ITPRIP: variants seen among roughly 807,000 people sequenced by gnomAD.
ITPRIP encodes the protein inositol 1,4,5-trisphosphate receptor-interacting protein.
ITPRIP carries 32 observed loss-of-function variants against 35.8 expected under a neutral mutation model. The observed-to-expected ratio is 0.89, with a 90% CI of 0.68 to 1.20. The LOEUF is 1.20. Ranked by LOEUF, ITPRIP falls within the 50% of genes most tolerant of loss-of-function variation. The pLI, the probability that ITPRIP is intolerant of heterozygous loss-of-function variation, is 0.00. For synonymous variants in ITPRIP, 358 were observed against 324.0 expected (o/e 1.11, Z -1.13); for missense variants, 653 against 735.6 (o/e 0.89, Z 1.30).
Position 104,314,819 on chromosome 10 carries a change from T to G in ITPRIP, c.1233A>C (p.Ile411=). The change falls in exon 2 of 2, where the codon ATA becomes ATC. Residue 411 remains isoleucine (I), a synonymous_variant. Coordinates refer to ENST00000337478, the MANE Select transcript of ITPRIP (RefSeq NM_001272013.2). ...TCTGCTTGGAGAGCAGGAAGGATGC[T>G]ATCTGCAGGCAGCTGAGGTGGCAGG... ...EGACHLSCLQ[I]ASFLLSKQSR... 1 of 1,613,926 alleles carries G rather than the reference T, an allele frequency of 6.2e-7. No individual in the cohort carries two copies. The highest frequency in any genetic ancestry group is 8.5e-7 in the Non-Finnish European group (1 of 1,180,018).
rs913112986 is a variant in ITPRIP at position 104,311,892 on chromosome 10, G to A, written c.*2516C>T. ...CTCTGTGAAATAAGGTCTTAGGCTG[G>A]AATCCACCCTACAGCCAGCTTTCAA... On this transcript the variant is annotated 3_prime_UTR_variant, in exon 2 of 2. Coordinates refer to ENST00000337478, the MANE Select transcript of ITPRIP (RefSeq NM_001272013.2). 6.6e-6 allele frequency: 1 copy of A among 152,214 alleles called. No individual in the cohort carries two copies. Among genetic ancestry groups the A allele is most frequent in the Non-Finnish European group, 1.5e-5 (1 of 68,046 alleles). The allele number at this position is 152,214 out of a possible 1,614,324, so 9.4% of individuals were successfully genotyped here.
In ITPRIP at chr10:104,312,761, C is replaced by T; in HGVS notation, c.*1647G>A. ...CTTTCTGAGGCTGGTTGAGAGCACT[C>T]CTGGGGATGGGGGAAGGATCTCCTT... is the stretch of plus-strand genomic sequence containing the variant. On this transcript the variant is annotated 3_prime_UTR_variant, in exon 2 of 2. Transcript: ENST00000337478. 1.0e-6 allele frequency: 1 copy of T among 985,274 alleles called. No individual in the cohort carries two copies. The highest frequency in any genetic ancestry group is 1.2e-6 in the Non-Finnish European group (1 of 829,940). The allele number at this position is 985,274 out of a possible 1,614,324, so 61.0% of individuals were successfully genotyped here. A position where few individuals can be genotyped will look rare whatever the true frequency, so the allele number is the denominator to read the frequency against.
In ITPRIP at chr10:104,313,828, AAG is replaced by A. The variant is rs1473905615; in HGVS notation, c.*578_*579del. 7 of 985,482 alleles carry A rather than the reference AAG, an allele frequency of 7.1e-6. No individual in the cohort carries two copies. The Admixed American group carries it at 3.7e-4, about 52-fold the overall frequency. 61.0% of individuals were successfully genotyped at this position (985,482 alleles called of 1,614,324 possible). A position where few individuals can be genotyped will look rare whatever the true frequency, so the allele number is the denominator to read the frequency against. The stretch of plus-strand genomic sequence containing the variant: ...AGTCATTTGGGCCTCGAATTTATAC[AAG>A]GTCTTTTCTCCAAATAGTATAAAAA... On this transcript the variant is annotated 3_prime_UTR_variant, in exon 2 of 2. Coordinates refer to ENST00000337478, the MANE Select transcript of ITPRIP (RefSeq NM_001272013.2).
At chr10:104,330,019 CA>C (rs2014116194) in intron 1 of ITPRIP, among the ~76,000 whole-genome samples, 1 of 152,182 alleles carries the variant, frequency 6.6e-6, no homozygotes, top group Non-Finnish European at 1.5e-5. Context: ...CTAAAGGCCC[CA>C]GGGGCTGACA....
Position 104,313,588 on chromosome 10 carries a change from A to C in ITPRIP, c.*820T>G, listed in dbSNP as rs2013544828. The C allele has an allele frequency of 1.0e-6, 1 of 985,406 alleles. No individual in the cohort carries two copies. The highest frequency in any genetic ancestry group is 1.2e-6 in the Non-Finnish European group (1 of 829,970). The allele number at this position is 985,406 out of a possible 1,614,324, so 61.0% of individuals were successfully genotyped here. On this transcript the variant is annotated 3_prime_UTR_variant, in exon 2 of 2. Transcript: ENST00000337478. ...TGATAGTCAGAAAGACCAGCTTTGGAGAGAATAAAGAGAGGTGGGGGGCTG... is the reference window on the plus strand; with the variant it reads ...TGATAGTCAGAAAGACCAGCTTTGGCGAGAATAAAGAGAGGTGGGGGGCTG...
Position 104,316,448 on chromosome 10 carries a change from G to C in ITPRIP, c.-13-384C>G, listed in dbSNP as rs1186388494. ...CGCCCAGCTACAGCTAGAGCGATTG[G>C]TTCTGGGATGAGCATTTGATCCAAT... On this transcript the variant is annotated intron_variant, in intron 1 of 1. Transcript: ENST00000337478. Among the ~76,000 whole-genome samples, 4 of 152,310 alleles carry C rather than the reference G, an allele frequency of 2.6e-5. No individual in the cohort carries two copies. In the East Asian group the frequency reaches 5.8e-4, roughly 22 times the overall value.
At position 104,328,328 on chromosome 10, in the gene ITPRIP, G is replaced by C; in HGVS notation, c.-14+9918C>G. ...GCCGCATCTCACCCACAAGGGTGCT[G>C]GTTTGGAGAGAGCATGAATACCCAC... On this transcript the variant is annotated intron_variant, in intron 1 of 1. Transcript: ENST00000337478. This position sits in a 1 kb window ranked among gnomAD's most constrained non-coding sequence, Gnocchi z 4.1. 1.0e-6 allele frequency: 1 copy of C among 979,734 alleles called. No individual in the cohort carries two copies. The highest frequency in any genetic ancestry group is 1.2e-6 in the Non-Finnish European group (1 of 824,810). 60.7% of individuals were successfully genotyped at this position (979,734 alleles called of 1,614,324 possible). A position where few individuals can be genotyped will look rare whatever the true frequency, so the allele number is the denominator to read the frequency against.
At chr10:104,318,958 G>T (rs1056780166) in intron 1 of ITPRIP, among the ~76,000 whole-genome samples, 1 of 152,276 alleles carries the variant, frequency 6.6e-6, no homozygotes, top group Non-Finnish European at 1.5e-5. Flanking sequence ...GGTTCAGGGC[G>T]GAGTGCGCCG....
chr10:104,320,467 A>G (rs1264472161), intron 1 of ITPRIP, among the ~76,000 whole-genome samples: 1 of 152,016 alleles, frequency 6.6e-6, no homozygotes, highest in Admixed American at 6.6e-5. Context: ...CCTCACTTCA[A>G]GTTGTCCCAT....
rs556297903 is a variant in ITPRIP, at chr10:104,334,252, T to G, written c.-14+3994A>C. ...GGCCAGCTGAGCAGGGCAGGCTGCC[T>G]GAGGCAGCCGAAGCAGGCACTGCTT... On this transcript the variant is annotated intron_variant, in intron 1 of 1. Coordinates refer to ENST00000337478, the MANE Select transcript of ITPRIP (RefSeq NM_001272013.2). Among the ~76,000 whole-genome samples, 5 of 152,344 alleles carry G rather than the reference T, an allele frequency of 3.3e-5. No homozygotes were observed. In the East Asian group the frequency reaches 9.6e-4, roughly 29 times the overall value.
intron 1 of ITPRIP, among the ~76,000 whole-genome samples, chr10:104,334,719 C>T (rs1029029387): frequency 1.1e-4 from 17 of 152,134 alleles, no homozygotes; most frequent in African/African-American, 3.9e-4. Context: ...GTGAGAGGGC[C>T]GCAGAGGTAG....
Position 104,313,972 on chromosome 10 carries a change from TA to T in ITPRIP, c.*435del. On this transcript the variant is annotated 3_prime_UTR_variant, in exon 2 of 2. Transcript: ENST00000337478. Reference sequence around the variant, plus strand: ...TGGTCAGGCCAGAAGCTCCTGGGAATAGGGGTGCTGGGTCTTAACACGGTTC... The same window carrying T: ...TGGTCAGGCCAGAAGCTCCTGGGAATGGGGTGCTGGGTCTTAACACGGTTC... 1.0e-6 allele frequency: 1 copy of T among 995,074 alleles called. No homozygotes were observed. The highest frequency in any genetic ancestry group is 1.1e-4 in the East Asian group (1 of 9,118). The allele number at this position is 995,074 out of a possible 1,614,324, so 61.6% of individuals were successfully genotyped here.
At chr10:104,323,410 T>G (rs1005876827) in intron 1 of ITPRIP, 7 of 152,502 alleles carry the variant, frequency 4.6e-5, no homozygotes, top group Non-Finnish European at 8.8e-5. Context: ...CTGCAGTGCA[T>G]GGCTGAATGT....
In ITPRIP at chr10:104,312,814, C is replaced by A. The variant is rs1422893318; in HGVS notation, c.*1594G>T. Reference sequence around the variant, plus strand: ...TTCAGTTTGTGGGGTAACTGGGCACCCCTGTCAAGTTGGTTATGCTCTCGG... The same window carrying A: ...TTCAGTTTGTGGGGTAACTGGGCACACCTGTCAAGTTGGTTATGCTCTCGG... On this transcript the variant is annotated 3_prime_UTR_variant, in exon 2 of 2. Coordinates refer to ENST00000337478, the MANE Select transcript of ITPRIP (RefSeq NM_001272013.2). 1.0e-6 allele frequency: 1 copy of A among 985,168 alleles called. No homozygotes were observed. The highest frequency in any genetic ancestry group is 1.7e-5 in the African/African-American group (1 of 57,166). 61.0% of individuals were successfully genotyped at this position (985,168 alleles called of 1,614,324 possible).
intron 1 of ITPRIP, among the ~76,000 whole-genome samples, chr10:104,332,923 TTCA>T (rs1451808185): frequency 2.6e-5 from 4 of 152,226 alleles, no homozygotes; most frequent in African/African-American, 9.6e-5. Context: ...CCATGTGCAT[TTCA>T]TCATAACGCT....
At chr10:104,320,932 A>T (rs1247349053) in intron 1 of ITPRIP, among the ~76,000 whole-genome samples, 3 of 152,194 alleles carry the variant, frequency 2.0e-5, no homozygotes, top group Admixed American at 6.5e-5. Flanking sequence ...GGCCTTGGTC[A>T]TTCAGATGGG....
In ITPRIP at chr10:104,314,279, GGC is replaced by G; in HGVS notation, c.*127_*128del. ...TCTGCACTGTAGGGCTTGGCTTCCTGGCAGGCTGAGCACGGCTCCCACGAAAG... is the reference window on the plus strand; with the variant it reads ...TCTGCACTGTAGGGCTTGGCTTCCTGAGGCTGAGCACGGCTCCCACGAAAG... On this transcript the variant is annotated 3_prime_UTR_variant, in exon 2 of 2. Coordinates refer to ENST00000337478, the MANE Select transcript of ITPRIP (RefSeq NM_001272013.2). 6.7e-7 allele frequency: 1 copy of G among 1,502,706 alleles called. No homozygotes were observed. Among genetic ancestry groups the G allele is most frequent in the Non-Finnish European group, 8.9e-7 (1 of 1,129,490 alleles). The allele number at this position is 1,502,706 out of a possible 1,614,324, so 93.1% of individuals were successfully genotyped here.
chr10:104,310,652 C>T lies in ITPRIP; in HGVS notation c.*3756G>A, dbSNP rs2013463594. On this transcript the variant is annotated 3_prime_UTR_variant, in exon 2 of 2. Coordinates refer to ENST00000337478, the MANE Select transcript of ITPRIP (RefSeq NM_001272013.2). The stretch of plus-strand genomic sequence containing the variant: ...CCTACATCATAGGACTGACATGGAA[C>T]TGTGTGCATTAACAAATGTGTGTGC... 1 of 152,156 alleles carries T rather than the reference C, an allele frequency of 6.6e-6. No homozygotes were observed. Among genetic ancestry groups the T allele is most frequent in the Non-Finnish European group, 1.5e-5 (1 of 68,026 alleles). 9.4% of individuals were successfully genotyped at this position (152,156 alleles called of 1,614,324 possible).
intron 1 of ITPRIP, among the ~76,000 whole-genome samples, chr10:104,316,835 T>C (rs1348761790): frequency 1.3e-5 from 2 of 152,136 alleles, no homozygotes; most frequent in African/African-American, 4.8e-5. Flanking sequence ...TGAAGCCTAG[T>C]GGTTAAGGGA....
Sources: allele counts gnomAD v4.1 joint callset (sites outside exome capture counted in the v4.1 genomes callset), GRCh38; gene constraint gnomAD v4.1.1; non-coding constraint Gnocchi (gnomAD v3.1); transcripts MANE v1.5; gene names NCBI Gene and HGNC (gene_info 2026-07-23, HGNC 2026-07-21).